The following GRID2 variants were observed in gnomAD, a reference collection of about 807,000 sequenced individuals.
GRID2 encodes glutamate ionotropic receptor delta type subunit 2, also known as glutamate receptor ionotropic, delta-2.
In GRID2, 33 loss-of-function variants were observed where a neutral mutation model predicts 114.8. The ratio of observed to expected loss-of-function variants is 0.29; its 90% CI spans 0.22 to 0.38. The LOEUF (loss-of-function observed/expected upper bound fraction) is 0.38. Ranked by LOEUF, GRID2 falls within the 10% of genes least tolerant of loss-of-function variation. The pLI, the probability that GRID2 is intolerant of heterozygous loss-of-function variation, is 1.00. For missense variants in GRID2, 1,184 were observed against 1,257.7 expected (o/e 0.94, Z 0.89); for synonymous variants, 505 against 449.9 (o/e 1.12, Z -1.55).
chr4:93,217,371 T>C (rs1219100087), intron 6 of GRID2: 1 of 153,988 alleles, frequency 6.5e-6, no homozygotes, highest in African/African-American at 2.4e-5. Flanking sequence ...TGTATGGTCA[T>C]ATCCAACTCC....
rs79967313 is a variant in GRID2 at position 92,665,040 on chromosome 4, T to C, written c.244+74754T>C. 4.6e-5 allele frequency among the ~76,000 whole-genome samples: 7 copies of C among 150,668 alleles called. No individual in the cohort carries two copies. In the East Asian group the frequency reaches 9.7e-4, roughly 21 times the overall value. On this transcript the variant is annotated intron_variant, in intron 2 of 15. Transcript: ENST00000282020. ...ATCTACTTATGTTTAAAGTAATTACTGATAAGGAAAATCTTCTGTCATTTT... is the reference window on the plus strand; with the variant it reads ...ATCTACTTATGTTTAAAGTAATTACCGATAAGGAAAATCTTCTGTCATTTT...
At chr4:92,809,004 A>G (rs983617502) in intron 2 of GRID2, among the ~76,000 whole-genome samples, 2 of 151,964 alleles carry the variant, frequency 1.3e-5, no homozygotes, top group Non-Finnish European at 2.9e-5. Context: ...AATTTTAGCC[A>G]TATTTTACAA....
intron 14 of GRID2, among the ~76,000 whole-genome samples, chr4:93,688,996 T>C (rs1486585855): frequency 1.3e-5 from 2 of 151,876 alleles, no homozygotes; most frequent in African/African-American, 2.4e-5. Flanking sequence ...TTTAAAGAGG[T>C]AATTAAGTGA....
intron 1 of GRID2, among the ~76,000 whole-genome samples, chr4:92,521,790 C>T (rs1560686487): frequency 6.6e-6 from 1 of 151,762 alleles, no homozygotes; most frequent in Non-Finnish European, 1.5e-5. Context: ...TGTATATGGC[C>T]GGCAGTACAA....
At chr4:93,531,902 T>A (rs915191101) in intron 13 of GRID2, among the ~76,000 whole-genome samples, 4 of 152,142 alleles carry the variant, frequency 2.6e-5, no homozygotes, top group Non-Finnish European at 5.9e-5. Flanking sequence ...TTTTACCACA[T>A]TTTAGAAGAA....
intron 3 of GRID2, among the ~76,000 whole-genome samples, chr4:93,094,605 T>G (rs559982554): frequency 8.4e-4 from 127 of 152,080 alleles, no homozygotes; most frequent in African/African-American, 2.9e-3. Context: ...GGCGACAATC[T>G]GAAGGCTGGA....
intron 2 of GRID2, among the ~76,000 whole-genome samples, chr4:93,027,424 A>G (rs1313984356): frequency 1.3e-5 from 2 of 152,106 alleles, no homozygotes; most frequent in Non-Finnish European, 2.9e-5. Flanking sequence ...AGCAAGTAAT[A>G]TATATATCAC....
chr4:92,763,554 G>A (rs1267820077), intron 2 of GRID2, among the ~76,000 whole-genome samples: 1 of 152,188 alleles, frequency 6.6e-6, no homozygotes, highest in Non-Finnish European at 1.5e-5. Context: ...ATGATTTAAA[G>A]TGAACAGCCA....
At chr4:93,033,512 T>G (rs1201914732) in intron 2 of GRID2, among the ~76,000 whole-genome samples, 1 of 152,120 alleles carries the variant, frequency 6.6e-6, no homozygotes, top group Admixed American at 6.6e-5. Flanking sequence ...TGCAGAAGTT[T>G]TACTAAGGCT....
chr4:92,604,111 A>G (rs1488650598), intron 2 of GRID2, among the ~76,000 whole-genome samples: 1 of 152,162 alleles, frequency 6.6e-6, no homozygotes, highest in Non-Finnish European at 1.5e-5. Flanking sequence ...CAGTTCAACC[A>G]TTGTGGAAGA....
At chr4:92,921,266 G>A (rs1578478056) in intron 2 of GRID2, among the ~76,000 whole-genome samples, 1 of 152,060 alleles carries the variant, frequency 6.6e-6, no homozygotes, top group East Asian at 1.9e-4. Context: ...TTTTTTTAAG[G>A]TTTTTAACTT....
In GRID2 at chr4:93,115,821, G is replaced by A. The variant is rs571449184; in HGVS notation, c.735+4868G>A. 3.9e-3 allele frequency among the ~76,000 whole-genome samples: 586 copies of A among 152,144 alleles called. 1 individual carries two copies. Among genetic ancestry groups the A allele is most frequent in the African/African-American group, 0.014 (569 of 41,522 alleles). ...TCACTACCAAGAGAACAGTATGAGG[G>A]AAACTGCTCCCATGATTCAATTACC... On this transcript the variant is annotated intron_variant, in intron 4 of 15. Transcript: ENST00000282020.
intron 1 of GRID2, among the ~76,000 whole-genome samples, chr4:92,454,650 C>T (rs1721113191): frequency 6.6e-6 from 1 of 152,120 alleles, no homozygotes; most frequent in Non-Finnish European, 1.5e-5. Flanking sequence ...TCCTGGCTAA[C>T]ACGGTGAAAC....
At chr4:93,400,208 A>C (rs570357039) in intron 9 of GRID2, among the ~76,000 whole-genome samples, 1 of 152,212 alleles carries the variant, frequency 6.6e-6, no homozygotes, top group Non-Finnish European at 1.5e-5. Context: ...TTGAGATGTG[A>C]GGATTGCATA....
At chr4:93,789,100 A>G (rs2110357085) in intron 1 of GRID2, among the ~76,000 whole-genome samples, 1 of 152,354 alleles carries the variant, frequency 6.6e-6, no homozygotes, top group South Asian at 2.1e-4. Flanking sequence ...AAAACACATG[A>G]ATAATAGTAA....
chr4:93,241,801 G>GT (rs1747543736), intron 8 of GRID2, among the ~76,000 whole-genome samples: 6 of 137,114 alleles, frequency 4.4e-5, no homozygotes, highest in Admixed American at 2.2e-4. Flanking sequence ...CAGTAGAAAA[G>GT]TAAAAAAAAA....
chr4:93,235,137 T>C (rs941665624), intron 7 of GRID2, among the ~76,000 whole-genome samples: 6 of 152,150 alleles, frequency 3.9e-5, no homozygotes, highest in African/African-American at 1.4e-4. Flanking sequence ...TAAATTATTC[T>C]CAACCTCTGA....
At chr4:93,318,210 A>G (rs1373251615) in intron 8 of GRID2, among the ~76,000 whole-genome samples, 2 of 151,560 alleles carry the variant, frequency 1.3e-5, no homozygotes, top group East Asian at 1.9e-4. Flanking sequence ...GAGTTGAATA[A>G]TTAGCTTTCA....
chr4:93,575,229 A>G (rs563182832), intron 13 of GRID2, among the ~76,000 whole-genome samples: 57 of 152,166 alleles, frequency 3.7e-4, no homozygotes, highest in Non-Finnish European at 7.2e-4. Flanking sequence ...GGGGCCACCA[A>G]TGTAACAGTC....
Sources: gnomAD v4.1 joint callset for allele counts (sites outside exome capture counted in the v4.1 genomes callset) on GRCh38, gnomAD v4.1.1 for gene constraint, MANE v1.5 for transcripts, NCBI Gene and HGNC (gene_info 2026-07-23, HGNC 2026-07-21) for gene names.